ASPG: variants seen among roughly 807,000 people sequenced by gnomAD.
ASPG encodes 60 kDa lysophospholipase.
Under a neutral mutation model 63.2 loss-of-function variants are expected in ASPG, and 53 were observed. That is an observed-to-expected ratio of 0.84 (90% CI 0.67 to 1.05). The LOEUF (loss-of-function observed/expected upper bound fraction) is 1.05. ASPG is among the 50% of genes least tolerant of loss of function. The pLI is 0.00. For missense variants in ASPG, 741 were observed against 794.4 expected (o/e 0.93, Z 0.81); for synonymous variants, 370 against 355.0 (o/e 1.04, Z -0.48).
At chr14:104,100,040 C>T (rs761937607) in intron 6 of ASPG, among the ~76,000 whole-genome samples, 3 of 152,300 alleles carry the variant, frequency 2.0e-5, no homozygotes, top group African/African-American at 4.8e-5. Context: ...GGTCACTGGA[C>T]GCCTGGGGAG....
chr14:104,110,594 T>G lies in ASPG; in HGVS notation c.1521-908T>G, dbSNP rs1410482425. ...GGTGTGTGTGTGGGGCTTGGCCTCT[T>G]GGAGCAGGTCCAGGAGGGGCCAGTG... On this transcript the variant is annotated intron_variant, in intron 13 of 15. Coordinates refer to ENST00000551177, the MANE Select transcript of ASPG (RefSeq NM_001080464.3). This position sits in a 1 kb window ranked among gnomAD's most constrained non-coding sequence, Gnocchi z 4.7. 1 of 985,142 alleles carries G rather than the reference T, an allele frequency of 1.0e-6. No homozygotes were observed. The highest frequency in any genetic ancestry group is 6.2e-5 in the Admixed American group (1 of 16,254). 61.0% of individuals were successfully genotyped at this position (985,142 alleles called of 1,614,324 possible). A position where few individuals can be genotyped will look rare whatever the true frequency, so the allele number is the denominator to read the frequency against.
At chr14:104,105,699 G>C (rs973857011) in intron 10 of ASPG, among the ~76,000 whole-genome samples, 1 of 152,226 alleles carries the variant, frequency 6.6e-6, no homozygotes, top group Non-Finnish European at 1.5e-5. Context: ...TCTGACTGGC[G>C]GCGCTGCCTT....
At chr14:104,103,528 C>G in intron 6 of ASPG, 35 bp from the exon 7 acceptor site, 1 of 1,530,370 alleles carries the variant, frequency 6.5e-7, no homozygotes, top group Non-Finnish European at 8.8e-7. Context: ...GGCAGGAGGC[C>G]TGAAGGCACC....
Position 104,114,896 on chromosome 14 carries a change from T to A in ASPG, c.*2352T>A, listed in dbSNP as rs1734870029. The stretch of plus-strand genomic sequence containing the variant: ...GCACAGGGCAGAGCTGGGCTGTGAA[T>A]CAGGGCCGCCTTGTCTCTTGCTGTG... On this transcript the variant is annotated 3_prime_UTR_variant, in exon 16 of 16. Transcript: ENST00000551177. The A allele has an allele frequency of 6.6e-6, 1 of 152,186 alleles. No homozygotes were observed. Among genetic ancestry groups the A allele is most frequent in the Non-Finnish European group, 1.5e-5 (1 of 68,058 alleles). The allele number at this position is 152,186 out of a possible 1,614,324, so 9.4% of individuals were successfully genotyped here. A position where few individuals can be genotyped will look rare whatever the true frequency, so the allele number is the denominator to read the frequency against.
intron 2 of ASPG, chr14:104,092,977 C>A (rs1339041459): frequency 1.8e-6 from 1 of 563,470 alleles, no homozygotes; most frequent in Non-Finnish European, 3.2e-6. Context: ...TCCCACACCC[C>A]CAGCCAGGCT....
chr14:104,095,716 C>T lies in ASPG; in HGVS notation c.429+60C>T, dbSNP rs533539644. On this transcript the variant is annotated intron_variant, in intron 4 of 15. Transcript: ENST00000551177. ...GGCTTCCTGAGGCCACAGGGCAAGT[C>T]AGCGCTGTGGGCGGCCGCTGCGGGA... is the stretch of plus-strand genomic sequence containing the variant. 149 of 1,602,192 alleles carry T rather than the reference C, an allele frequency of 9.3e-5. 1 individual carries two copies. The Admixed American group carries it at 1.5e-3, about 16-fold the overall frequency.
chr14:104,088,027 C>T (rs893555136), intron 1 of ASPG, among the ~76,000 whole-genome samples: 1 of 152,182 alleles, frequency 6.6e-6, no homozygotes, highest in South Asian at 2.1e-4. Flanking sequence ...TGCGAGGTCA[C>T]CCCCAGCTGT....
chr14:104,090,465 G>A (rs575968278), intron 1 of ASPG, among the ~76,000 whole-genome samples: 5 of 152,378 alleles, frequency 3.3e-5, no homozygotes, highest in South Asian at 2.1e-4. Context: ...ACAGAAGTTC[G>A]TTCTGGGTTC....
At chr14:104,106,660 A>T in intron 10 of ASPG, 139 bp from the exon 11 acceptor site, 1 of 743,516 alleles carries the variant, frequency 1.3e-6, no homozygotes, top group Non-Finnish European at 2.2e-6. Flanking sequence ...GTGGCAGCTC[A>T]GGTTCCTTCT....
intron 11 of ASPG, 80 bp from the exon 12 acceptor site, chr14:104,107,102 G>C: frequency 6.7e-7 from 1 of 1,496,328 alleles, no homozygotes; most frequent in Non-Finnish European, 9.0e-7. Flanking sequence ...CCTACCCTCA[G>C]AGGGACCCCA....
intron 11 of ASPG, 143 bp from the exon 12 acceptor site, chr14:104,107,039 G>T: frequency 1.5e-6 from 2 of 1,314,920 alleles, no homozygotes; most frequent in Non-Finnish European, 2.1e-6. Flanking sequence ...TGTCCTGCCA[G>T]CTTGTCAGGT....
In ASPG at chr14:104,109,226, C is replaced by T; in HGVS notation, c.1434-3C>T. On this transcript the variant is annotated splice_region_variant and splice_polypyrimidine_tract_variant and intron_variant, in intron 12 of 15. Coordinates refer to ENST00000551177, the MANE Select transcript of ASPG (RefSeq NM_001080464.3). This position sits in a 1 kb window ranked among gnomAD's most constrained non-coding sequence, Gnocchi z 4.8. Reference sequence around the variant, plus strand: ...GAAGGTCAGCATGCTCATTCTCACACAGGCATCCGGGTGTCATTGGGTTGC... The same window carrying T: ...GAAGGTCAGCATGCTCATTCTCACATAGGCATCCGGGTGTCATTGGGTTGC... 1 of 1,613,000 alleles carries T rather than the reference C, an allele frequency of 6.2e-7. No individual in the cohort carries two copies. Among genetic ancestry groups the T allele is most frequent in the South Asian group, 1.1e-5 (1 of 90,850 alleles).
chr14:104,085,836 G>A lies in ASPG; in HGVS notation c.66G>A (p.Met22Ile), dbSNP rs1489135040. ...TCTACACCGGCGGCACCATTGGCAT[G>A]CGGAGTGAGCTCGGCGGTGAGTCCG... ...LAVYTGGTIG[M>I]RSELGVLVPG... is the part of the protein sequence containing the mutation. Residue 22 changes from methionine to isoleucine, a missense_variant, in exon 1 of 16, where the codon ATG becomes ATA. By Grantham distance (10) the Met-to-Ile change is conservative. Transcript: ENST00000551177. 1 of 1,589,660 alleles carries A rather than the reference G, an allele frequency of 6.3e-7. No individual in the cohort carries two copies. The highest frequency in any genetic ancestry group is 1.7e-5 in the Admixed American group (1 of 58,768).
At chr14:104,086,598 C>G (rs1314052284) in intron 1 of ASPG, among the ~76,000 whole-genome samples, 1 of 152,114 alleles carries the variant, frequency 6.6e-6, no homozygotes, top group Admixed American at 6.5e-5. Context: ...GACGGTTGCA[C>G]TGGAGCCTCC....
intron 7 of ASPG, 104 bp downstream of exon 7, chr14:104,103,779 C>G (rs34878411): frequency 0.61 from 579,424 of 952,304 alleles, 180,896 homozygotes; most frequent in Non-Finnish European, 0.64. Flanking sequence ...CCAGTGCAGA[C>G]CCCGCGTGGA....
intron 6 of ASPG, 129 bp downstream of exon 6, chr14:104,099,108 G>A: frequency 7.1e-7 from 1 of 1,412,386 alleles, no homozygotes; most frequent in Non-Finnish European, 9.5e-7. Context: ...ACTTGCCCTG[G>A]CTTGGTTCTG....
chr14:104,092,552 T>C, intron 1 of ASPG, 81 bp from the exon 2 acceptor site: 2 of 1,185,190 alleles, frequency 1.7e-6, no homozygotes, highest in Admixed American at 2.0e-5. Context: ...CCACCAGCTC[T>C]GGTCCTGCCC....
chr14:104,088,282 G>A (rs893943047), intron 1 of ASPG, among the ~76,000 whole-genome samples: 2 of 152,198 alleles, frequency 1.3e-5, no homozygotes, highest in Non-Finnish European at 2.9e-5. Context: ...TGACCTGTGG[G>A]TGGAACGCTG....
At chr14:104,107,872 CTT>C (rs1195186944) in intron 12 of ASPG, among the ~76,000 whole-genome samples, 11 of 152,054 alleles carry the variant, frequency 7.2e-5, no homozygotes, top group Non-Finnish European at 7.4e-5. Context: ...CCTTCCTACT[CTT>C]TATTGCCCCA....
Sources: gnomAD v4.1 joint callset for allele counts (sites outside exome capture counted in the v4.1 genomes callset) on GRCh38, gnomAD v4.1.1 for gene constraint, Gnocchi (gnomAD v3.1) non-coding constraint, MANE v1.5 for transcripts, NCBI Gene and HGNC (gene_info 2026-07-23, HGNC 2026-07-21) for gene names.